Variants in CNTNAP2 observed in about 807,000 individuals in gnomAD.
CNTNAP2 encodes contactin associated protein 2, also known as contactin-associated protein-like 2.
A neutral mutation model predicts 155.2 loss-of-function variants in CNTNAP2; 98 were observed. That is an observed-to-expected ratio of 0.63 (90% CI 0.54 to 0.75). CNTNAP2 has a LOEUF of 0.75. Among genes scored for constraint, CNTNAP2 ranks in the 30% least tolerant of loss-of-function variants. The pLI is 0.00. For synonymous variants in CNTNAP2, 651 were observed against 631.2 expected, an observed-to-expected ratio of 1.03 and a Z score of -0.47; for missense variants, 1,727 against 1,688.1, an observed-to-expected ratio of 1.02 and a Z score of -0.40.
At chr7:146,933,236 A>G (rs1435133764) in intron 3 of CNTNAP2, among the ~76,000 whole-genome samples, 1 of 152,064 alleles carries the variant, frequency 6.6e-6, no homozygotes, top group Non-Finnish European at 1.5e-5. Flanking sequence ...GTACCAAAAT[A>G]GAGATATAGA....
intron 15 of CNTNAP2, among the ~76,000 whole-genome samples, chr7:148,072,214 T>C (rs186973644): frequency 6.6e-6 from 1 of 152,326 alleles, no homozygotes; most frequent in Admixed American, 6.5e-5. Context: ...GGAACTCTTC[T>C]AAGAGTTAAG....
chr7:148,218,110 A>C (rs2116758562), intron 19 of CNTNAP2, among the ~76,000 whole-genome samples: 1 of 152,378 alleles, frequency 6.6e-6, no homozygotes, highest in African/African-American at 2.4e-5. Flanking sequence ...TGGGCAACAG[A>C]GTGAGACCCT....
chr7:146,591,336 C>T (rs1584996574), intron 1 of CNTNAP2, among the ~76,000 whole-genome samples: 1 of 145,818 alleles, frequency 6.9e-6, no homozygotes, highest in East Asian at 2.0e-4. Flanking sequence ...GCCTTAACCA[C>T]AGAAGAAAAC....
At chr7:147,833,771 G>A (rs188391049) in intron 13 of CNTNAP2, among the ~76,000 whole-genome samples, 3 of 152,300 alleles carry the variant, frequency 2.0e-5, no homozygotes, top group Admixed American at 6.5e-5. Flanking sequence ...TCGCATCCAA[G>A]ACAAAGCTCT....
At chr7:146,662,252 C>T (rs116381129) in intron 1 of CNTNAP2, among the ~76,000 whole-genome samples, 5,729 of 152,150 alleles carry the variant, frequency 0.038, 115 homozygotes, top group African/African-American at 0.06. Context: ...ATTCTCTTGC[C>T]TTCGCCACCC....
intron 21 of CNTNAP2, among the ~76,000 whole-genome samples, chr7:148,363,099 A>C (rs1431211838): frequency 6.6e-6 from 1 of 152,096 alleles, no homozygotes; most frequent in Non-Finnish European, 1.5e-5. Flanking sequence ...CTCCTGCCTC[A>C]GCCTCCCGAG....
At chr7:148,059,276 A>C (rs148678627) in intron 15 of CNTNAP2, among the ~76,000 whole-genome samples, 89 of 152,148 alleles carry the variant, frequency 5.8e-4, no homozygotes, top group Middle Eastern at 3.4e-3. Context: ...TGACAGAGTG[A>C]GACCCCATCT....
At chr7:147,055,548 C>T (rs1161035092) in intron 4 of CNTNAP2, among the ~76,000 whole-genome samples, 3 of 152,176 alleles carry the variant, frequency 2.0e-5, no homozygotes, top group African/African-American at 2.4e-5. Context: ...TGACACCTGA[C>T]GTAAAGCAAC....
intron 1 of CNTNAP2, among the ~76,000 whole-genome samples, chr7:146,219,316 G>C (rs556679786): frequency 4.6e-5 from 7 of 152,214 alleles, no homozygotes; most frequent in African/African-American, 1.7e-4. Flanking sequence ...CTTCATCTCT[G>C]CAAATGATTC....
chr7:147,553,191 G>C (rs937721378), intron 11 of CNTNAP2, among the ~76,000 whole-genome samples: 1 of 152,116 alleles, frequency 6.6e-6, no homozygotes, highest in Non-Finnish European at 1.5e-5. Flanking sequence ...GATTGGACAG[G>C]GAAACGGGAC....
chr7:147,090,619 A>G (rs2129272845), intron 4 of CNTNAP2, among the ~76,000 whole-genome samples: 1 of 152,286 alleles, frequency 6.6e-6, no homozygotes, highest in South Asian at 2.1e-4. Context: ...ATTATCAAGC[A>G]ACTAAGAATA....
At chr7:146,941,652 T>C (rs1327524633) in intron 3 of CNTNAP2, among the ~76,000 whole-genome samples, 1 of 152,176 alleles carries the variant, frequency 6.6e-6, no homozygotes, top group Non-Finnish European at 1.5e-5. Flanking sequence ...AGAACCCTCT[T>C]TATCATTTCT....
At chr7:148,100,438 T>C (rs570079224) in intron 15 of CNTNAP2, among the ~76,000 whole-genome samples, 7 of 152,368 alleles carry the variant, frequency 4.6e-5, no homozygotes, top group African/African-American at 1.7e-4. Flanking sequence ...TATGCGTGTA[T>C]GTGCATATTA....
intron 11 of CNTNAP2, among the ~76,000 whole-genome samples, chr7:147,555,003 G>A (rs530469866): frequency 5.3e-5 from 8 of 152,298 alleles, no homozygotes; most frequent in African/African-American, 1.9e-4. Context: ...CAAGGTCATT[G>A]CCGCCTCTCT....
chr7:147,642,874 A>G (rs945400409), intron 13 of CNTNAP2, among the ~76,000 whole-genome samples: 1 of 152,184 alleles, frequency 6.6e-6, no homozygotes, highest in African/African-American at 2.4e-5. Flanking sequence ...TTTGGTTCAC[A>G]TAGGATTTGT....
intron 1 of CNTNAP2, among the ~76,000 whole-genome samples, chr7:146,188,699 A>G (rs922549476): frequency 2.6e-5 from 4 of 152,166 alleles, no homozygotes; most frequent in Non-Finnish European, 4.4e-5. Flanking sequence ...TGGTTTAAAA[A>G]TTTTGCAATC....
intron 1 of CNTNAP2, among the ~76,000 whole-genome samples, chr7:146,570,165 A>G (rs10952646): frequency 0.38 from 57,379 of 151,934 alleles, 12,054 homozygotes; most frequent in South Asian, 0.5. Context: ...AAAAAATTCC[A>G]TGATGAAACC....
intron 1 of CNTNAP2, among the ~76,000 whole-genome samples, chr7:146,669,207 A>G (rs1399945593): frequency 1.3e-5 from 2 of 152,152 alleles, no homozygotes; most frequent in East Asian, 3.9e-4. Flanking sequence ...TTGTTCTCAA[A>G]GCCTTGAAAT....
chr7:147,825,473 T>C (rs906611351), intron 13 of CNTNAP2, among the ~76,000 whole-genome samples: 1 of 152,162 alleles, frequency 6.6e-6, no homozygotes, highest in Non-Finnish European at 1.5e-5. Context: ...ATGAATAGAG[T>C]AATTCATTAT....
Sources: gnomAD v4.1 joint callset for allele counts (sites outside exome capture counted in the v4.1 genomes callset) on GRCh38, gnomAD v4.1.1 for gene constraint, MANE v1.5 for transcripts, NCBI Gene and HGNC (gene_info 2026-07-23, HGNC 2026-07-21) for gene names.